EYA3: variants seen among roughly 807,000 people sequenced by gnomAD.
EYA3 encodes the protein EYA transcriptional coactivator and phosphatase 3.
EYA3 carries 39 observed loss-of-function variants against 80.0 expected under a neutral mutation model. The observed-to-expected ratio is 0.49, with a 90% CI of 0.38 to 0.64. The LOEUF (loss-of-function observed/expected upper bound fraction) is 0.64, where lower values mean the gene tolerates loss of function less well. Ranked by LOEUF, EYA3 falls within the 30% of genes least tolerant of loss-of-function variation. The pLI is 0.00. For synonymous variants in EYA3, 206 were observed against 232.8 expected (o/e 0.88, Z 1.05); for missense variants, 523 against 676.1 (o/e 0.77, Z 2.51).
At chr1:28,063,197 A>T (rs1644698724) in intron 1 of EYA3, among the ~76,000 whole-genome samples, 1 of 151,906 alleles carries the variant, frequency 6.6e-6, no homozygotes, top group Non-Finnish European at 1.5e-5. Context: ...CTGGATATCT[A>T]TGACACAGTC....
intron 14 of EYA3, among the ~76,000 whole-genome samples, chr1:27,990,704 C>T (rs566546390): frequency 6.6e-6 from 1 of 152,068 alleles, no homozygotes; most frequent in East Asian, 1.9e-4. Context: ...AGGCAGCTGC[C>T]ACCACACCCA....
chr1:28,041,461 G>A (rs1643772527), intron 4 of EYA3, among the ~76,000 whole-genome samples: 1 of 152,084 alleles, frequency 6.6e-6, no homozygotes, highest in African/African-American at 2.4e-5. Flanking sequence ...GCTGAGGCAG[G>A]AGAATCACTT....
chr1:28,053,458 C>T (rs1194395535), intron 2 of EYA3, among the ~76,000 whole-genome samples: 1 of 152,120 alleles, frequency 6.6e-6, no homozygotes, highest in Non-Finnish European at 1.5e-5. Flanking sequence ...TTAAATATAA[C>T]ACAGCAAGGA....
intron 3 of EYA3, among the ~76,000 whole-genome samples, chr1:28,043,134 C>T (rs990460527): frequency 1.4e-4 from 21 of 152,120 alleles, no homozygotes; most frequent in African/African-American, 5.1e-4. Flanking sequence ...TGAGCCACCA[C>T]GCCCAGTCTA....
At chr1:28,017,458 C>T (rs1482496879) in intron 7 of EYA3, among the ~76,000 whole-genome samples, 4 of 152,104 alleles carry the variant, frequency 2.6e-5, no homozygotes, top group Non-Finnish European at 1.5e-5. Flanking sequence ...CTTGAGTCTT[C>T]AATTCTTCTT....
intron 1 of EYA3, among the ~76,000 whole-genome samples, chr1:28,085,809 G>A (rs1645631571): frequency 6.6e-6 from 1 of 152,136 alleles, no homozygotes; most frequent in Non-Finnish European, 1.5e-5. Context: ...GCTAGGTGGA[G>A]GGTCAGGCTT....
intron 4 of EYA3, among the ~76,000 whole-genome samples, chr1:28,040,865 C>CG (rs1643738843): frequency 1.8e-5 from 2 of 113,834 alleles, no homozygotes; most frequent in African/African-American, 3.3e-5. Flanking sequence ...AGGGGGGGGT[C>CG]GGGGGAGCAG....
chr1:27,980,082 A>G (rs996325401), intron 16 of EYA3, among the ~76,000 whole-genome samples: 2 of 152,212 alleles, frequency 1.3e-5, no homozygotes, highest in East Asian at 3.8e-4. Context: ...TTTAGTGCTA[A>G]TATTTTACAA....
chr1:28,088,576 A>G lies in EYA3; in HGVS notation c.-121T>C, dbSNP rs1449014005. On this transcript the variant is annotated 5_prime_UTR_variant, in exon 1 of 18. Coordinates refer to ENST00000373871, the MANE Select transcript of EYA3 (RefSeq NM_001990.4). ...GACATGGAGATCAGTCCAGACCCAC[A>G]GTAGAACCAATCGAGCGGAGGAAAC... 6.5e-6 allele frequency: 1 copy of G among 152,842 alleles called. No homozygotes were observed. Among genetic ancestry groups the G allele is most frequent in the African/African-American group, 2.4e-5 (1 of 41,468 alleles). 9.5% of individuals were successfully genotyped at this position (152,842 alleles called of 1,614,324 possible).
At chr1:28,061,964 A>G (rs1644647454) in intron 1 of EYA3, among the ~76,000 whole-genome samples, 1 of 152,098 alleles carries the variant, frequency 6.6e-6, no homozygotes. Flanking sequence ...TTTTACATTC[A>G]GTGAGATTCA....
chr1:28,000,139 CA>C, intron 11 of EYA3, 90 bp from the exon 12 acceptor site: 2 of 794,918 alleles, frequency 2.5e-6, no homozygotes, highest in Non-Finnish European at 4.0e-6. Context: ...AGGTCAAGGC[CA>C]AAACACACGA....
chr1:28,010,940 C>T lies in EYA3; in HGVS notation c.909+7G>A. ...AAGTAGGTAACTAAATCAGTTTCTT[C>T]TCATACTTCTAATTCACTGTCTTGG... On this transcript the variant is annotated splice_region_variant and intron_variant, in intron 10 of 17. Coordinates refer to ENST00000373871, the MANE Select transcript of EYA3 (RefSeq NM_001990.4). 1 of 1,608,384 alleles carries T rather than the reference C, an allele frequency of 6.2e-7. No homozygotes were observed. Among genetic ancestry groups the T allele is most frequent in the Non-Finnish European group, 8.5e-7 (1 of 1,178,332 alleles).
At chr1:28,084,992 G>A (rs772881826) in intron 1 of EYA3, among the ~76,000 whole-genome samples, 55 of 151,936 alleles carry the variant, frequency 3.6e-4, no homozygotes, top group Non-Finnish European at 6.8e-4. Flanking sequence ...ATATCTTTTG[G>A]ACAAACCGCT....
chr1:28,022,864 G>A (rs1050685159), intron 7 of EYA3, among the ~76,000 whole-genome samples: 1 of 152,038 alleles, frequency 6.6e-6, no homozygotes, highest in African/African-American at 2.4e-5. Context: ...CTACAGGCAC[G>A]CACCACTGCA....
At chr1:28,027,539 C>T (rs1642858631) in intron 7 of EYA3, among the ~76,000 whole-genome samples, 2 of 152,122 alleles carry the variant, frequency 1.3e-5, no homozygotes, top group African/African-American at 4.8e-5. Flanking sequence ...TGGACACCAA[C>T]ATGCAAAAGG....
chr1:28,044,006 A>AT (rs1049352888), intron 3 of EYA3, among the ~76,000 whole-genome samples: 18 of 152,006 alleles, frequency 1.2e-4, no homozygotes, highest in East Asian at 9.6e-4. Flanking sequence ...AAGCAACATC[A>AT]TTTTTTTTAA....
intron 1 of EYA3, among the ~76,000 whole-genome samples, chr1:28,067,129 A>C (rs112967488): frequency 7.2e-5 from 11 of 152,206 alleles, no homozygotes. Flanking sequence ...AGTATAAAAG[A>C]GGTCATAAGA....
chr1:27,977,876 A>G (rs1161695593), intron 17 of EYA3, among the ~76,000 whole-genome samples: 1 of 150,736 alleles, frequency 6.6e-6, no homozygotes, highest in African/African-American at 2.4e-5. Flanking sequence ...AAAAAAGAAA[A>G]AAAGAAGGGG....
chr1:27,984,366 T>C (rs1011306734), intron 16 of EYA3, among the ~76,000 whole-genome samples: 1 of 152,148 alleles, frequency 6.6e-6, no homozygotes, highest in Admixed American at 6.5e-5. Flanking sequence ...AATTAAAAGT[T>C]CCATGCAATC....
Sources: allele counts gnomAD v4.1 joint callset (sites outside exome capture counted in the v4.1 genomes callset), GRCh38; gene constraint gnomAD v4.1.1; transcripts MANE v1.5; gene names NCBI Gene and HGNC (gene_info 2026-07-23, HGNC 2026-07-21).